PPP3CA: variants seen among roughly 807,000 people sequenced by gnomAD.
PPP3CA encodes the protein protein phosphatase 3 catalytic subunit alpha.
A neutral mutation model predicts 66.5 loss-of-function variants in PPP3CA; 14 were observed. The ratio of observed to expected loss-of-function variants is 0.21; its 90% confidence interval spans 0.14 to 0.33. The LOEUF is 0.33. Among genes scored for constraint, PPP3CA ranks in the 10% least tolerant of loss-of-function variants. The pLI, the probability that PPP3CA is intolerant of heterozygous loss-of-function variation, is 1.00. For missense variants in PPP3CA, 317 were observed against 639.5 expected (o/e 0.50, Z 5.44); for synonymous variants, 232 against 226.2 (o/e 1.03, Z -0.23).
intron 1 of PPP3CA, among the ~76,000 whole-genome samples, chr4:101,320,329 AAATT>A (rs1358479397): frequency 6.6e-6 from 1 of 152,128 alleles, no homozygotes; most frequent in Non-Finnish European, 1.5e-5. Flanking sequence ...TAATCAATTA[AAATT>A]AATTGTTTAC....
At chr4:101,213,747 CA>C (rs1725376123) in intron 1 of PPP3CA, among the ~76,000 whole-genome samples, 1 of 152,028 alleles carries the variant, frequency 6.6e-6, no homozygotes, top group African/African-American at 2.4e-5. Flanking sequence ...GTAAAAATAA[CA>C]CAGCTTGTGG....
chr4:101,234,155 T>C (rs1389888292), intron 1 of PPP3CA, among the ~76,000 whole-genome samples: 2 of 151,874 alleles, frequency 1.3e-5, no homozygotes, highest in Non-Finnish European at 2.9e-5. Context: ...GATAAGCATT[T>C]AGGTTGATTC....
At chr4:101,227,667 C>T (rs1026378210) in intron 1 of PPP3CA, among the ~76,000 whole-genome samples, 1 of 151,428 alleles carries the variant, frequency 6.6e-6, no homozygotes, top group Admixed American at 6.6e-5. Context: ...TGTCGTCATC[C>T]AGGTAATAAG....
intron 1 of PPP3CA, among the ~76,000 whole-genome samples, chr4:101,217,928 A>G (rs899664658): frequency 8.5e-5 from 13 of 152,104 alleles, no homozygotes; most frequent in African/African-American, 3.1e-4. Context: ...CATGGGGTAG[A>G]CACAGGCCAG....
chr4:101,204,206 T>C (rs561036266), intron 1 of PPP3CA, among the ~76,000 whole-genome samples: 2 of 152,146 alleles, frequency 1.3e-5, no homozygotes, highest in South Asian at 4.2e-4. Context: ...AAGGTCTCAT[T>C]ATGTTACCTA....
intron 11 of PPP3CA, 132 bp from the exon 12 acceptor site, chr4:101,032,496 A>G (rs557861459): frequency 2.9e-6 from 2 of 701,298 alleles, no homozygotes; most frequent in African/African-American, 3.6e-5. Flanking sequence ...ATCTTTTTTT[A>G]AAATTTTTTT....
intron 3 of PPP3CA, among the ~76,000 whole-genome samples, chr4:101,102,498 A>G (rs1011321659): frequency 4.6e-5 from 7 of 152,212 alleles, no homozygotes; most frequent in Admixed American, 3.9e-4. Context: ...AAGGCAGCCA[A>G]TATGGAAGAA....
chr4:101,312,958 A>G (rs1203272304), intron 1 of PPP3CA, among the ~76,000 whole-genome samples: 1 of 152,208 alleles, frequency 6.6e-6, no homozygotes, highest in Non-Finnish European at 1.5e-5. Flanking sequence ...GCACAATAAA[A>G]TACAAGTTAC....
chr4:101,311,804 C>T (rs912028362), intron 1 of PPP3CA, among the ~76,000 whole-genome samples: 2 of 152,100 alleles, frequency 1.3e-5, no homozygotes, highest in African/African-American at 4.8e-5. Context: ...TACCATCGCT[C>T]AGTATGATGC....
At chr4:101,287,321 A>C (rs1727874818) in intron 1 of PPP3CA, among the ~76,000 whole-genome samples, 1 of 152,246 alleles carries the variant, frequency 6.6e-6, no homozygotes. Flanking sequence ...TAGAAACACA[A>C]CTTAAAAAGT....
intron 2 of PPP3CA, among the ~76,000 whole-genome samples, chr4:101,141,231 G>A (rs1027569050): frequency 1.3e-5 from 2 of 152,042 alleles, no homozygotes; most frequent in Admixed American, 6.6e-5. Context: ...TTAGCTGGGC[G>A]TGGTGGCTCA....
chr4:101,142,656 C>G (rs1722846441), intron 2 of PPP3CA, among the ~76,000 whole-genome samples: 1 of 152,190 alleles, frequency 6.6e-6, no homozygotes, highest in African/African-American at 2.4e-5. Flanking sequence ...CCCACCTCAG[C>G]CTCCTGAGTA....
At chr4:101,175,311 G>GA (rs945468411) in intron 2 of PPP3CA, among the ~76,000 whole-genome samples, 2 of 152,120 alleles carry the variant, frequency 1.3e-5, no homozygotes, top group Non-Finnish European at 1.5e-5. Context: ...AGACTTCTGG[G>GA]AAAGAGTAAT....
chr4:101,106,422 A>G (rs1730696560), intron 3 of PPP3CA, among the ~76,000 whole-genome samples: 1 of 12,540 alleles, frequency 8.0e-5, no homozygotes, highest in Non-Finnish European at 1.7e-4. Context: ...AGAAAGAAAG[A>G]AAGAAAGAAA....
intron 1 of PPP3CA, among the ~76,000 whole-genome samples, chr4:101,300,090 A>G (rs998867911): frequency 6.6e-6 from 1 of 152,234 alleles, no homozygotes; most frequent in Admixed American, 6.5e-5. Context: ...TAAGCAGATA[A>G]CAGACTAACA....
intron 1 of PPP3CA, among the ~76,000 whole-genome samples, chr4:101,210,487 TAAAC>T (rs1251172572): frequency 6.6e-6 from 1 of 152,170 alleles, no homozygotes; most frequent in East Asian, 1.9e-4. Flanking sequence ...CATTGAAGAT[TAAAC>T]AAACTAATAT....
chr4:101,159,459 C>T (rs1174178345), intron 2 of PPP3CA, among the ~76,000 whole-genome samples: 1 of 152,084 alleles, frequency 6.6e-6, no homozygotes, highest in African/African-American at 2.4e-5. Context: ...GGGAAGAGAC[C>T]AGGGATTTTA....
chr4:101,040,414 G>T, intron 11 of PPP3CA, 68 bp downstream of exon 11: 1 of 1,079,266 alleles, frequency 9.3e-7, no homozygotes, highest in Non-Finnish European at 1.3e-6. Flanking sequence ...CCAGATGAAA[G>T]TATTAAAGTA....
At chr4:101,118,274 T>C (rs1051837684) in intron 2 of PPP3CA, among the ~76,000 whole-genome samples, 1 of 152,032 alleles carries the variant, frequency 6.6e-6, no homozygotes, top group African/African-American at 2.4e-5. Context: ...GACTGCTTGG[T>C]TCCAAAGCCA....
Sources: allele counts gnomAD v4.1 joint callset (sites outside exome capture counted in the v4.1 genomes callset), GRCh38; gene constraint gnomAD v4.1.1; transcripts MANE v1.5; gene names NCBI Gene and HGNC (gene_info 2026-07-23, HGNC 2026-07-21).